Variants in SPATA13 observed in about 807,000 individuals in gnomAD.
SPATA13 encodes spermatogenesis-associated protein 13.
SPATA13 carries 50 observed loss-of-function variants against 104.0 expected under a neutral mutation model. The ratio of observed to expected loss-of-function variants is 0.48; its 90% confidence interval spans 0.38 to 0.61. The LOEUF is 0.61. Ranked by LOEUF, SPATA13 falls within the 20% of genes least tolerant of loss-of-function variation. The probability of loss-of-function intolerance (pLI) is 0.00; values close to 1 mark genes in which losing one functional copy is unlikely to be tolerated. For missense variants in SPATA13, 1,524 were observed against 1,690.6 expected, an observed-to-expected ratio of 0.90 and a Z score of 1.73; for synonymous variants, 606 against 667.5, an observed-to-expected ratio of 0.91 and a Z score of 1.42.
intron 3 of SPATA13, among the ~76,000 whole-genome samples, chr13:24,036,813 TATTG>T (rs1160385052): frequency 6.6e-6 from 1 of 152,110 alleles, no homozygotes; most frequent in Non-Finnish European, 1.5e-5. Context: ...TGTCAATTTT[TATTG>T]ATTGATTGAT....
chr13:24,183,622 A>G (rs1296242460), intron 1 of SPATA13, among the ~76,000 whole-genome samples: 1 of 131,020 alleles, frequency 7.6e-6, no homozygotes, highest in African/African-American at 2.9e-5. Context: ...TTTTTTTTTT[A>G]GCTCAGCAGC....
intron 1 of SPATA13, among the ~76,000 whole-genome samples, chr13:23,980,945 A>T (rs1165373097): frequency 6.6e-6 from 1 of 152,176 alleles, no homozygotes; most frequent in Non-Finnish European, 1.5e-5. Context: ...GGTAGCATCT[A>T]CTGATGGGAG....
At position 24,122,662 on chromosome 13, in the gene SPATA13, T is replaced by C. The variant is rs117928578; in HGVS notation, c.-111-100157T>C. 6,261 of 1,104,164 alleles carry C rather than the reference T, an allele frequency of 5.7e-3. 153 individuals carry two copies. In the East Asian group the frequency reaches 0.074, roughly 13 times the overall value. 68.4% of individuals were successfully genotyped at this position (1,104,164 alleles called of 1,614,324 possible). ...ATACTGTATATCACTTCAAGATACT[T>C]GGTGACAGACAGAAGTGTGTCTGTA... On this transcript the variant is annotated intron_variant, in intron 3 of 14. Coordinates refer to the SPATA13 transcript ENST00000424834.
At chr13:24,122,547 C>T in intron 3 of SPATA13, 1 of 1,567,776 alleles carries the variant, frequency 6.4e-7, no homozygotes, top group Non-Finnish European at 8.8e-7. Context: ...AGTGCCACGC[C>T]CTTTGCACTG....
At chr13:24,198,795 G>T (rs1022450865) in intron 1 of SPATA13, among the ~76,000 whole-genome samples, 1 of 152,170 alleles carries the variant, frequency 6.6e-6, no homozygotes, top group East Asian at 1.9e-4. Flanking sequence ...GGTCAGCAAA[G>T]TTAGATGAGT....
In SPATA13 at chr13:24,224,121, T is replaced by C. The variant is rs1195473389; in HGVS notation, c.1192T>C (p.Ser398Pro). ...GGCCCCCGGTTTCGGCTCAGCCACC[T>C]CTAAGGGGCCCCACCTAGACGCTGA... ...TVAPGFGSAT[S>P]KGPHLDADTA... The change falls in exon 2 of 13, where the codon TCT becomes CCT. Residue 398 changes from serine to proline, a missense_variant. This residue lies in a region of SPATA13 where 1,089 missense variants were observed against 1,135.9 expected (regional missense o/e 0.96). Transcript: ENST00000382108. 9.0e-6 allele frequency: 14 copies of C among 1,551,570 alleles called. No individual in the cohort carries two copies. The highest frequency in any genetic ancestry group is 3.3e-4 in the Middle Eastern group (2 of 5,992).
chr13:24,116,023 G>A (rs1880822921), intron 3 of SPATA13, among the ~76,000 whole-genome samples: 2 of 152,212 alleles, frequency 1.3e-5, no homozygotes, highest in Admixed American at 6.5e-5. Context: ...CATCATTTCT[G>A]CAATGTCATT....
At chr13:24,139,853 GT>G (rs1229652171) in intron 3 of SPATA13, among the ~76,000 whole-genome samples, 1 of 152,148 alleles carries the variant, frequency 6.6e-6, no homozygotes, top group African/African-American at 2.4e-5. Context: ...GGATAACGAG[GT>G]CAGGAGATCT....
chr13:24,291,749 T>TTTTTTTTTTTTTTTTTTTTTGA, intron 9 of SPATA13, among the ~76,000 whole-genome samples: 1 of 79,784 alleles, frequency 1.3e-5, no homozygotes, highest in African/African-American at 5.3e-5. Flanking sequence ...TATTTTTTTA[T>TTTTTTTTTTTTTTTTTTTTTGA]TTTTTTATTT....
At chr13:24,165,590 C>A (rs944747170) in intron 1 of SPATA13, among the ~76,000 whole-genome samples, 7 of 152,114 alleles carry the variant, frequency 4.6e-5, no homozygotes, top group African/African-American at 1.7e-4. Context: ...CCCCACCCAC[C>A]CCAACTCCAA....
intron 3 of SPATA13, among the ~76,000 whole-genome samples, chr13:24,141,476 A>C (rs1004316215): frequency 4.6e-5 from 7 of 151,624 alleles, no homozygotes; most frequent in African/African-American, 1.7e-4. Context: ...GGTCCTACTT[A>C]CTCCTCAAAG....
intron 3 of SPATA13, among the ~76,000 whole-genome samples, chr13:24,039,749 G>T (rs184100338): frequency 6.6e-6 from 1 of 152,244 alleles, no homozygotes; most frequent in Non-Finnish European, 1.5e-5. Context: ...CTGGGGTTGG[G>T]GGAATTCTGT....
In SPATA13 at chr13:24,277,369, A is replaced by G. The variant is rs140241126; in HGVS notation, c.2165-6766A>G. Among the ~76,000 whole-genome samples the G allele has an allele frequency of 5.5e-4, 81 of 147,070 alleles. 1 individual carries two copies. The highest frequency in any genetic ancestry group is 1.1e-3 in the African/African-American group (45 of 39,904). ...TGAGGCAGGAGAATGGCGTGAACCT[A>G]GGAGGCGGAGCTTGCAGTGACCCGA... On this transcript the variant is annotated intron_variant, in intron 4 of 12. Coordinates refer to ENST00000382108, the MANE Select transcript of SPATA13 (RefSeq NM_001166271.3).
chr13:24,103,801 G>A (rs1267923450), intron 3 of SPATA13, among the ~76,000 whole-genome samples: 2 of 152,120 alleles, frequency 1.3e-5, no homozygotes, highest in African/African-American at 4.8e-5. Context: ...CCACACTCAA[G>A]CATCTACATC....
chr13:24,087,175 C>T (rs980961045), intron 3 of SPATA13, among the ~76,000 whole-genome samples: 1 of 152,088 alleles, frequency 6.6e-6, no homozygotes, highest in Non-Finnish European at 1.5e-5. Flanking sequence ...GGCAATGTCA[C>T]CACTCCCAGA....
intron 3 of SPATA13, among the ~76,000 whole-genome samples, chr13:24,091,880 T>C (rs1261951770): frequency 6.6e-6 from 1 of 152,148 alleles, no homozygotes; most frequent in Non-Finnish European, 1.5e-5. Context: ...AGGGGAGCTC[T>C]AGGCTTATTC....
rs137876116 is a variant in SPATA13, at chr13:24,208,649, C to T, written c.-111-14170C>T. On this transcript the variant is annotated intron_variant, in intron 1 of 12. Transcript: ENST00000382108. ...TGTCCAGAGGGTTCCCAGACATTCT[C>T]AGTTCATGCACCCTGGTTTCTCATT... is the stretch of plus-strand genomic sequence containing the variant. Among the ~76,000 whole-genome samples the T allele has an allele frequency of 5.7e-3, 863 of 152,276 alleles. 5 individuals carry two copies. Among genetic ancestry groups the T allele is most frequent in the African/African-American group, 9.6e-3 (399 of 41,560 alleles).
chr13:24,251,741 T>G lies in SPATA13; in HGVS notation c.2043T>G (p.Pro681=). 2 of 1,614,168 alleles carry G rather than the reference T, an allele frequency of 1.2e-6. No homozygotes were observed. The highest frequency in any genetic ancestry group is 2.2e-5 in the East Asian group (1 of 44,878). ...AGCCGGCTTCCAGGCCGCCCATGCCTGCTCACCAGGTGCCACCCTACAAGG... is the reference window on the plus strand; with the variant it reads ...AGCCGGCTTCCAGGCCGCCCATGCCGGCTCACCAGGTGCCACCCTACAAGG... ...LTQPASRPPM[P]AHQVPPYKAV... is the part of the protein sequence containing the mutation. Residue 681 remains proline, a synonymous_variant, in exon 4 of 13, where the codon CCT becomes CCG. Transcript: ENST00000382108.
At chr13:24,103,969 C>A (rs1181005129) in intron 3 of SPATA13, among the ~76,000 whole-genome samples, 1 of 152,192 alleles carries the variant, frequency 6.6e-6, no homozygotes, top group Non-Finnish European at 1.5e-5. Flanking sequence ...AGGAGTGACT[C>A]TAAGTAGGGC....
Sources: allele counts gnomAD v4.1 joint callset (sites outside exome capture counted in the v4.1 genomes callset), GRCh38; gene constraint gnomAD v4.1.1; regional missense constraint gnomAD v4.1.1; transcripts MANE v1.5; gene names NCBI Gene and HGNC (gene_info 2026-07-23, HGNC 2026-07-21).